AGAP3: variants seen among roughly 807,000 people sequenced by gnomAD.
AGAP3 encodes ArfGAP with GTPase domain, ankyrin repeat and PH domain 3.
A neutral mutation model predicts 96.9 loss-of-function variants in AGAP3; 24 were observed. The ratio of observed to expected loss-of-function variants is 0.25; its 90% CI spans 0.18 to 0.35. The LOEUF (loss-of-function observed/expected upper bound fraction) is 0.35, where lower values mean the gene tolerates loss of function less well. Among genes scored for constraint, AGAP3 ranks in the 10% least tolerant of loss-of-function variants. The pLI is 1.00. For missense variants in AGAP3, 876 were observed against 1,254.2 expected, an observed-to-expected ratio of 0.70 and a Z score of 4.55; for synonymous variants, 563 against 536.1, an observed-to-expected ratio of 1.05 and a Z score of -0.69.
At position 151,142,064 on chromosome 7, in the gene AGAP3, G is replaced by A; in HGVS notation, c.1959+12G>A. The A allele has an allele frequency of 1.2e-6, 2 of 1,611,484 alleles. No individual in the cohort carries two copies. The highest frequency in any genetic ancestry group is 1.3e-5 in the African/African-American group (1 of 75,014). On this transcript the variant is annotated intron_variant, in intron 14 of 17. Coordinates refer to ENST00000397238, the MANE Select transcript of AGAP3 (RefSeq NM_031946.7). This position sits in a 1 kb window ranked among gnomAD's most constrained non-coding sequence, Gnocchi z 7.5. ...GTGCCAAGGACAAGGTGGGTACAGAGTGACTGGGCCCACACAGAGCACCTG... is the reference window on the plus strand; with the variant it reads ...GTGCCAAGGACAAGGTGGGTACAGAATGACTGGGCCCACACAGAGCACCTG...
rs920690140 is a variant in AGAP3, at chr7:151,140,580, T to C, written c.1804+464T>C. The C allele has an allele frequency of 6.6e-6, 1 of 152,432 alleles. No homozygotes were observed. Among genetic ancestry groups the C allele is most frequent in the Non-Finnish European group, 1.5e-5 (1 of 68,192 alleles). 9.4% of individuals were successfully genotyped at this position (152,432 alleles called of 1,614,324 possible). A position where few individuals can be genotyped will look rare whatever the true frequency, so the allele number is the denominator to read the frequency against. On this transcript the variant is annotated intron_variant, in intron 13 of 17. Coordinates refer to ENST00000397238, the MANE Select transcript of AGAP3 (RefSeq NM_031946.7). This position sits in a 1 kb window ranked among gnomAD's most constrained non-coding sequence, Gnocchi z 5.4. ...TCCATAGGACCTTTCTCTTCCTCTA[T>C]TAATTATACTGCTGCTCCTCAGATT...
chr7:151,125,106 G>C (rs1563497227), intron 9 of AGAP3, among the ~76,000 whole-genome samples: 1 of 152,134 alleles, frequency 6.6e-6, no homozygotes, highest in Non-Finnish European at 1.5e-5. Context: ...CCCTCTCTCC[G>C]GGCACCTCCT....
Position 151,140,259 on chromosome 7 carries a change from A to G in AGAP3, c.1804+143A>G. The G allele has an allele frequency of 1.3e-5, 13 of 1,003,702 alleles. No individual in the cohort carries two copies. The highest frequency in any genetic ancestry group is 1.7e-5 in the Non-Finnish European group (13 of 767,814). The allele number at this position is 1,003,702 out of a possible 1,614,324, so 62.2% of individuals were successfully genotyped here. A position where few individuals can be genotyped will look rare whatever the true frequency, so the allele number is the denominator to read the frequency against. The stretch of plus-strand genomic sequence containing the variant: ...AGTAGTTGCTAATCAAAGTAGTTCT[A>G]CAGCTTCTTTTGGTAATCTAGACCT... On this transcript the variant is annotated intron_variant, in intron 13 of 17. Coordinates refer to ENST00000397238, the MANE Select transcript of AGAP3 (RefSeq NM_031946.7). The surrounding 1 kb of genome is among the most constrained non-coding windows in gnomAD (Gnocchi z 5.4).
At chr7:151,104,495 A>G (rs1798961620) in intron 1 of AGAP3, among the ~76,000 whole-genome samples, 1 of 152,246 alleles carries the variant, frequency 6.6e-6, no homozygotes, top group African/African-American at 2.4e-5. Context: ...AAAGACAGGC[A>G]AAGAGTAGGA....
intron 1 of AGAP3, among the ~76,000 whole-genome samples, chr7:151,095,701 C>CAAAAA (rs35926416): frequency 4.8e-5 from 4 of 83,010 alleles, no homozygotes; most frequent in Non-Finnish European, 8.6e-5. Flanking sequence ...CACAGTTGTA[C>CAAAAA]AAAAAAAAAA....
In AGAP3 at chr7:151,098,337, C is replaced by T. The variant is rs567128977; in HGVS notation, c.331+11265C>T. 3.8e-4 allele frequency among the ~76,000 whole-genome samples: 58 copies of T among 152,036 alleles called. 1 individual carries two copies. The highest frequency in any genetic ancestry group is 8.7e-4 in the African/African-American group (36 of 41,458). On this transcript the variant is annotated intron_variant, in intron 1 of 17. Coordinates refer to ENST00000397238, the MANE Select transcript of AGAP3 (RefSeq NM_031946.7). ...TTGCACCACTGCACTTCAGCTTGGG[C>T]GACAGAGGGAGACCCTGGCACACAC...
At position 151,141,873 on chromosome 7, in the gene AGAP3, G is replaced by A; in HGVS notation, c.1805-25G>A. The A allele has an allele frequency of 6.2e-7, 1 of 1,614,124 alleles. No individual in the cohort carries two copies. The highest frequency in any genetic ancestry group is 8.5e-7 in the Non-Finnish European group (1 of 1,179,998). On this transcript the variant is annotated intron_variant, in intron 13 of 17. Coordinates refer to ENST00000397238, the MANE Select transcript of AGAP3 (RefSeq NM_031946.7). This position sits in a 1 kb window ranked among gnomAD's most constrained non-coding sequence, Gnocchi z 4.2. Reference sequence around the variant, plus strand: ...GGTGTGCACGCAGGCCAGGAGCCCTGATGGCATAAACACCCCCCCAACAGA... The same window carrying A: ...GGTGTGCACGCAGGCCAGGAGCCCTAATGGCATAAACACCCCCCCAACAGA...
chr7:151,121,509 T>G (rs930413434), intron 8 of AGAP3, among the ~76,000 whole-genome samples: 2 of 152,050 alleles, frequency 1.3e-5, no homozygotes, highest in African/African-American at 4.8e-5. Context: ...CTTCCCCTCG[T>G]TGGCAAGCTC....
At chr7:151,120,692 G>T in intron 8 of AGAP3, 1 of 1,243,656 alleles carries the variant, frequency 8.0e-7, no homozygotes, top group Non-Finnish European at 1.0e-6. Context: ...GTTTAACAAA[G>T]GCTTAGCCAT....
At chr7:151,122,237 C>G (rs995636308) in intron 8 of AGAP3, among the ~76,000 whole-genome samples, 2 of 152,346 alleles carry the variant, frequency 1.3e-5, no homozygotes, top group East Asian at 1.9e-4. Context: ...GGCCGTGGAG[C>G]CCAGGAGGGG....
At position 151,118,868 on chromosome 7, in the gene AGAP3, G is replaced by C. The variant is rs528334781; in HGVS notation, c.969+236G>C. 6.6e-6 allele frequency among the ~76,000 whole-genome samples: 1 copy of C among 152,218 alleles called. No homozygotes were observed. The highest frequency in any genetic ancestry group is 1.9e-4 in the East Asian group (1 of 5,176). ...CCCGCTGCAATCCCCACTTCTCTCTGCTCTCCACCATTCCACAGCCTGCAT... is the reference window on the plus strand; with the variant it reads ...CCCGCTGCAATCCCCACTTCTCTCTCCTCTCCACCATTCCACAGCCTGCAT... On this transcript the variant is annotated intron_variant, in intron 7 of 17. Transcript: ENST00000397238. The surrounding 1 kb of genome is among the most constrained non-coding windows in gnomAD (Gnocchi z 6.1).
intron 10 of AGAP3, 152 bp downstream of exon 10, chr7:151,128,836 G>T: frequency 1.4e-6 from 1 of 704,808 alleles, no homozygotes; most frequent in Non-Finnish European, 2.4e-6. Context: ...ACCTCACACT[G>T]GCAGCTTGGG....
intron 11 of AGAP3, chr7:151,136,553 T>C (rs1800603382): frequency 6.6e-6 from 1 of 152,248 alleles, no homozygotes; most frequent in South Asian, 2.1e-4. Context: ...TGCAGAATTA[T>C]CCTCCGAGGA....
chr7:151,109,968 G>A (rs1337808639), intron 1 of AGAP3, among the ~76,000 whole-genome samples: 1 of 152,246 alleles, frequency 6.6e-6, no homozygotes, highest in African/African-American at 2.4e-5. Flanking sequence ...GCTGGAAGCT[G>A]GGCCATTCCT....
chr7:151,122,017 T>C (rs1799918911), intron 8 of AGAP3, among the ~76,000 whole-genome samples: 1 of 152,226 alleles, frequency 6.6e-6, no homozygotes, highest in Non-Finnish European at 1.5e-5. Context: ...TCGTTGCTGC[T>C]CTTGCCCCAG....
At chr7:151,129,598 C>G (rs1313430202) in intron 10 of AGAP3, among the ~76,000 whole-genome samples, 1 of 152,202 alleles carries the variant, frequency 6.6e-6, no homozygotes, top group Non-Finnish European at 1.5e-5. Flanking sequence ...CCCTTCCTAA[C>G]ACGCCTCACT....
intron 1 of AGAP3, among the ~76,000 whole-genome samples, chr7:151,115,966 C>G (rs1799559710): frequency 6.6e-6 from 1 of 152,190 alleles, no homozygotes; most frequent in South Asian, 2.1e-4. Context: ...AGGTTAGGGA[C>G]TGCTGTGGAC....
intron 8 of AGAP3, among the ~76,000 whole-genome samples, chr7:151,121,414 G>A (rs1242355796): frequency 2.0e-5 from 3 of 152,074 alleles, no homozygotes; most frequent in Non-Finnish European, 2.9e-5. Flanking sequence ...CTCTGTCCAC[G>A]GTGCCTACTG....
Position 151,144,034 on chromosome 7 carries a change from A to G in AGAP3, c.*91A>G. On this transcript the variant is annotated 3_prime_UTR_variant, in exon 18 of 18. Transcript: ENST00000397238. ...ACTGTGGGAACAGACACAGAGATGG[A>G]GAAGCAGGGACATGCTGAGAGGACG... 3 of 1,351,796 alleles carry G rather than the reference A, an allele frequency of 2.2e-6. No individual in the cohort carries two copies. Among genetic ancestry groups the G allele is most frequent in the Non-Finnish European group, 3.1e-6 (3 of 976,446 alleles). The allele number at this position is 1,351,796 out of a possible 1,614,324, so 83.7% of individuals were successfully genotyped here.
Sources: allele counts gnomAD v4.1 joint callset (sites outside exome capture counted in the v4.1 genomes callset), GRCh38; gene constraint gnomAD v4.1.1; non-coding constraint Gnocchi (gnomAD v3.1); transcripts MANE v1.5; gene names NCBI Gene and HGNC (gene_info 2026-07-23, HGNC 2026-07-21).